The following ME3 variants were observed in gnomAD, a reference collection of about 807,000 sequenced individuals.
ME3 encodes the protein malic enzyme 3, also known as NADP-dependent malic enzyme, mitochondrial.
Under a neutral mutation model 68.9 loss-of-function variants are expected in ME3, and 48 were observed. The ratio of observed to expected loss-of-function variants is 0.70; its 90% CI spans 0.55 to 0.89. The LOEUF (loss-of-function observed/expected upper bound fraction) is 0.89, where lower values mean the gene tolerates loss of function less well. Among genes scored for constraint, ME3 ranks in the 40% least tolerant of loss-of-function variants. The pLI is 0.00. For missense variants in ME3, 675 were observed against 797.4 expected (o/e 0.85, Z 1.85); for synonymous variants, 320 against 318.8 (o/e 1.00, Z -0.04).
chr11:86,669,920 G>T (rs1946814750), intron 2 of ME3, among the ~76,000 whole-genome samples: 1 of 152,204 alleles, frequency 6.6e-6, no homozygotes, highest in South Asian at 2.1e-4. Flanking sequence ...TTTTCACAAT[G>T]ATTGGAGCCT....
At chr11:86,464,308 A>G (rs1223326276) in intron 8 of ME3, among the ~76,000 whole-genome samples, 1 of 152,352 alleles carries the variant, frequency 6.6e-6, no homozygotes, top group South Asian at 2.1e-4. Flanking sequence ...AACAGCTCAC[A>G]GTGCTCCTTC....
At chr11:86,630,089 G>A (rs1225487618) in intron 2 of ME3, among the ~76,000 whole-genome samples, 3 of 152,094 alleles carry the variant, frequency 2.0e-5, no homozygotes. Flanking sequence ...CTATTGAATA[G>A]AGATCATCAT....
At chr11:86,441,566 G>C (rs1287173044) in intron 14 of ME3, 126 bp from the exon 15 acceptor site, 2 of 908,798 alleles carry the variant, frequency 2.2e-6, no homozygotes, top group African/African-American at 3.3e-5. Flanking sequence ...TCATGAGTAT[G>C]GCTCATGAAA....
At chr11:86,467,028 T>TGAG (rs1175138628) in intron 7 of ME3, among the ~76,000 whole-genome samples, 1 of 152,246 alleles carries the variant, frequency 6.6e-6, no homozygotes, top group East Asian at 1.9e-4. Flanking sequence ...CCAGCTTTAC[T>TGAG]GAGGCATAAT....
At chr11:86,525,527 G>T (rs1024211685) in intron 4 of ME3, among the ~76,000 whole-genome samples, 2 of 148,676 alleles carry the variant, frequency 1.3e-5, no homozygotes, top group African/African-American at 4.9e-5. Flanking sequence ...AAAAAAAAAA[G>T]ACCCACTATA....
intron 4 of ME3, among the ~76,000 whole-genome samples, chr11:86,528,688 C>G (rs1321294804): frequency 6.6e-6 from 1 of 151,798 alleles, no homozygotes; most frequent in Non-Finnish European, 1.5e-5. Context: ...AACTAGAACT[C>G]AGGATTAAGA....
At chr11:86,468,338 T>TCATC (rs990626833) in intron 7 of ME3, among the ~76,000 whole-genome samples, 12 of 152,178 alleles carry the variant, frequency 7.9e-5, no homozygotes, top group South Asian at 2.1e-4. Context: ...CAACCATCCA[T>TCATC]CATCCATCCA....
Position 86,471,141 on chromosome 11 carries a change from CTT to C in ME3, c.810-5943_810-5942del, listed in dbSNP as rs1163128094. Among the ~76,000 whole-genome samples, 75 of 75,030 alleles carry C rather than the reference CTT, an allele frequency of 1.0e-3. 4 individuals are homozygous for C. The highest frequency in any genetic ancestry group is 1.4e-3 in the African/African-American group (23 of 15,928). The allele number at this position is 75,030 out of a possible 152,430, so 49.2% of individuals were successfully genotyped here. On this transcript the variant is annotated intron_variant, in intron 7 of 14. Transcript: ENST00000543262. ...CCTACTTAAACTGTAAGGCCCAGAG[CTT>C]TTTTTTTTTTTTTTTTTTTTTTTTG...
chr11:86,496,232 C>A (rs1245865893), intron 6 of ME3, among the ~76,000 whole-genome samples: 1 of 152,016 alleles, frequency 6.6e-6, no homozygotes, highest in Non-Finnish European at 1.5e-5. Context: ...ATGGTGAAAC[C>A]CCATCTCGAC....
rs940828614 is a variant in ME3 at position 86,582,872 on chromosome 11, T to A, written c.184-23049A>T. 2.0e-5 allele frequency among the ~76,000 whole-genome samples: 3 copies of A among 148,324 alleles called. No individual in the cohort carries two copies. The Admixed American group carries it at 2.0e-4, about 10-fold the overall frequency. On this transcript the variant is annotated intron_variant, in intron 2 of 14. Transcript: ENST00000543262. Reference sequence around the variant, plus strand: ...GAGGCCCAGTTGTTTCCACCGAGTCTGAAACAAAAGGCTTTCTCTGTATTA... The same window carrying A: ...GAGGCCCAGTTGTTTCCACCGAGTCAGAAACAAAAGGCTTTCTCTGTATTA...
At chr11:86,554,794 A>G (rs563432382) in intron 4 of ME3, among the ~76,000 whole-genome samples, 5 of 152,332 alleles carry the variant, frequency 3.3e-5, no homozygotes, top group South Asian at 4.1e-4. Flanking sequence ...CCGAGTGACA[A>G]TTACTTGCCA....
intron 2 of ME3, among the ~76,000 whole-genome samples, chr11:86,606,889 T>G (rs1961743600): frequency 6.6e-6 from 1 of 152,198 alleles, no homozygotes; most frequent in Admixed American, 6.5e-5. Context: ...GAGAAACAAA[T>G]GTAAATATGT....
chr11:86,492,473 AGACCAGGACTCTTCCCAGGGTGGG>A, intron 6 of ME3, among the ~76,000 whole-genome samples: 1 of 152,370 alleles, frequency 6.6e-6, no homozygotes, highest in East Asian at 1.9e-4. Flanking sequence ...CATGGTTTCT[AGACCAGGACTCTTCCCAGGGTGGG>A]GACCAGGCTT....
chr11:86,655,393 AAG>A (rs1945792841), intron 2 of ME3, among the ~76,000 whole-genome samples: 2 of 152,334 alleles, frequency 1.3e-5, no homozygotes, highest in South Asian at 4.1e-4. Flanking sequence ...CTGGTACCAA[AAG>A]AGAGATATAG....
chr11:86,562,814 G>T (rs1029383410), intron 2 of ME3, among the ~76,000 whole-genome samples: 1 of 151,708 alleles, frequency 6.6e-6, no homozygotes, highest in East Asian at 1.9e-4. Context: ...TCAACCTCCA[G>T]TATCCTCCTT....
intron 4 of ME3, among the ~76,000 whole-genome samples, chr11:86,530,544 A>T (rs1348484211): frequency 6.6e-6 from 1 of 152,222 alleles, no homozygotes; most frequent in Non-Finnish European, 1.5e-5. Flanking sequence ...TTGCCAAGAC[A>T]ATCCTAAGCC....
intron 2 of ME3, among the ~76,000 whole-genome samples, chr11:86,574,402 G>GC (rs971410809): frequency 2.2e-5 from 2 of 89,524 alleles, no homozygotes; most frequent in African/African-American, 3.2e-5. Context: ...GTTGCCGGGG[G>GC]GGGGGGGGGT....
intron 4 of ME3, among the ~76,000 whole-genome samples, chr11:86,511,610 C>G (rs1253726957): frequency 6.6e-6 from 1 of 152,134 alleles, no homozygotes; most frequent in African/African-American, 2.4e-5. Context: ...TGAAACTGAT[C>G]CCTTCCTTGT....
intron 2 of ME3, among the ~76,000 whole-genome samples, chr11:86,570,854 C>T (rs555632042): frequency 1.8e-4 from 27 of 152,240 alleles, no homozygotes; most frequent in African/African-American, 5.8e-4. Flanking sequence ...AGGTGCTGTG[C>T]TCACACAGCC....
Sources: allele counts gnomAD v4.1 joint callset (sites outside exome capture counted in the v4.1 genomes callset), GRCh38; gene constraint gnomAD v4.1.1; transcripts MANE v1.5; gene names NCBI Gene and HGNC (gene_info 2026-07-23, HGNC 2026-07-21).